Variants in APOL1 observed in about 807,000 individuals in gnomAD.
The protein encoded by APOL1 is apolipoprotein L 1.
A neutral mutation model predicts 14.9 loss-of-function variants in APOL1; 17 were observed. The ratio of observed to expected loss-of-function variants is 1.14; its 90% CI spans 0.78 to 1.71. APOL1 has a LOEUF of 1.71. Among genes scored for constraint, APOL1 ranks in the 40% most tolerant of loss-of-function variants. The pLI, the probability that APOL1 is intolerant of heterozygous loss-of-function variation, is 0.00. For missense variants in APOL1, 523 were observed against 485.9 expected (o/e 1.08, Z -0.72); for synonymous variants, 195 against 184.8 (o/e 1.05, Z -0.45).
intron 4 of APOL1, 41 bp downstream of exon 4, chr22:36,257,448 T>C: frequency 6.3e-7 from 1 of 1,575,238 alleles, no homozygotes; most frequent in Admixed American, 1.7e-5. Flanking sequence ...CTACTCGCAC[T>C]TAGAATGGAG....
In APOL1 at chr22:36,266,130, C is replaced by G; in HGVS notation, c.*97C>G. ...TTTCTGAGACAGAGTCTTGCTCTGT[C>G]GCCAAGTTGGAGTGCAATGGTGCGA... On this transcript the variant is annotated 3_prime_UTR_variant, in exon 6 of 6. Transcript: ENST00000397278. 7.2e-7 allele frequency: 1 copy of G among 1,379,930 alleles called. No homozygotes were observed. The highest frequency in any genetic ancestry group is 9.8e-7 in the Non-Finnish European group (1 of 1,023,196). The allele number at this position is 1,379,930 out of a possible 1,614,324, so 85.5% of individuals were successfully genotyped here. A position where few individuals can be genotyped will look rare whatever the true frequency, so the allele number is the denominator to read the frequency against.
At chr22:36,253,414 A>T (rs2015754384) in intron 1 of APOL1, among the ~76,000 whole-genome samples, 195 bp downstream of exon 1, 1 of 152,172 alleles carries the variant, frequency 6.6e-6, no homozygotes, top group Non-Finnish European at 1.5e-5. Flanking sequence ...AACAGCTCAG[A>T]TGGGTTCACA....
rs139990629 is a variant in APOL1 at position 36,266,117 on chromosome 22, A to T, written c.*84A>T. On this transcript the variant is annotated 3_prime_UTR_variant, in exon 6 of 6. Transcript: ENST00000397278. ...AAACTTTTTTTTTTTTCTGAGACAGAGTCTTGCTCTGTCGCCAAGTTGGAG... is the reference window on the plus strand; with the variant it reads ...AAACTTTTTTTTTTTTCTGAGACAGTGTCTTGCTCTGTCGCCAAGTTGGAG... The T allele has an allele frequency of 2.5e-4, 367 of 1,448,050 alleles. 2 individuals are homozygous for T. The African/African-American group carries it at 4.7e-3, about 19-fold the overall frequency. 89.7% of individuals were successfully genotyped at this position (1,448,050 alleles called of 1,614,324 possible). A position where few individuals can be genotyped will look rare whatever the true frequency, so the allele number is the denominator to read the frequency against.
At chr22:36,260,856 A>G (rs1262889806) in intron 4 of APOL1, among the ~76,000 whole-genome samples, 1 of 152,252 alleles carries the variant, frequency 6.6e-6, no homozygotes, top group East Asian at 1.9e-4. Context: ...GTACACTCTG[A>G]TATTTTCAAA....
At chr22:36,264,994 G>A (rs2016188045) in intron 5 of APOL1, among the ~76,000 whole-genome samples, 157 bp from the exon 6 acceptor site, 2 of 151,952 alleles carry the variant, frequency 1.3e-5, no homozygotes, top group African/African-American at 4.8e-5. Context: ...TGAATTTTTG[G>A]TAGAGACAGG....
chr22:36,258,394 G>C (rs2015963123), intron 4 of APOL1, among the ~76,000 whole-genome samples: 1 of 152,230 alleles, frequency 6.6e-6, no homozygotes. Flanking sequence ...AAGGTTTATC[G>C]GGTGAATATG....
chr22:36,261,639 A>T lies in APOL1; in HGVS notation c.231A>T (p.Glu77Asp). The change falls in exon 5 of 6, where the codon GAA (glutamate) becomes GAT (aspartate). Residue 77 changes from glutamate to aspartate, a missense_variant. Transcript: ENST00000397278. ...FIEDAIKYFKEKVSTQNLLLL... is the reference protein window; with the variant it reads ...FIEDAIKYFKDKVSTQNLLLL... Reference sequence around the variant, plus strand: ...AGGATGCCATTAAGTATTTCAAGGAAAAAGTGAGCACACAGAATCTGCTAC... The same window carrying T: ...AGGATGCCATTAAGTATTTCAAGGATAAAGTGAGCACACAGAATCTGCTAC... The T allele has an allele frequency of 6.2e-7, 1 of 1,614,050 alleles. No individual in the cohort carries two copies. Among genetic ancestry groups the T allele is most frequent in the Non-Finnish European group, 8.5e-7 (1 of 1,179,908 alleles).
At chr22:36,258,394 G>A (rs2015963123) in intron 4 of APOL1, among the ~76,000 whole-genome samples, 1 of 152,230 alleles carries the variant, frequency 6.6e-6, no homozygotes, top group Admixed American at 6.5e-5. Context: ...AAGGTTTATC[G>A]GGTGAATATG....
chr22:36,264,455 T>G (rs1364506149), intron 5 of APOL1, among the ~76,000 whole-genome samples: 4 of 152,192 alleles, frequency 2.6e-5, no homozygotes, highest in Non-Finnish European at 5.9e-5. Context: ...TGCTTCACTT[T>G]CCTGCCATCC....
At position 36,265,166 on chromosome 22, in the gene APOL1, G is replaced by A; in HGVS notation, c.330G>A (p.Glu110=). ...AAELPRNEAD[E]LRKALDNLAR... is the part of the protein sequence containing the mutation. ...CCTTGTGCAGGAATGAGGCAGATGA[G>A]CTCCGTAAAGCTCTGGACAACCTTG... is the stretch of plus-strand genomic sequence containing the variant. Residue 110 remains glutamate (E), a synonymous_variant, in exon 6 of 6, where the codon GAG becomes GAA. Transcript: ENST00000397278. 6.2e-7 allele frequency: 1 copy of A among 1,614,098 alleles called. No individual in the cohort carries two copies. Among genetic ancestry groups the A allele is most frequent in the Non-Finnish European group, 8.5e-7 (1 of 1,180,024 alleles).
intron 1 of APOL1, chr22:36,254,063 TG>T (rs1282130170): frequency 1.7e-4 from 270 of 1,580,558 alleles, no homozygotes; most frequent in Non-Finnish European, 3.6e-5. Context: ...TGGAAACTTT[TG>T]GATTATTAAA....
At chr22:36,259,405 T>C (rs374788258) in intron 4 of APOL1, among the ~76,000 whole-genome samples, 49 of 152,268 alleles carry the variant, frequency 3.2e-4, no homozygotes, top group Middle Eastern at 3.4e-3. Context: ...CAAGTCAGCA[T>C]TGCGTTCATT....
chr22:36,262,094 G>A (rs964847190), intron 5 of APOL1, among the ~76,000 whole-genome samples: 9 of 152,066 alleles, frequency 5.9e-5, no homozygotes, highest in South Asian at 2.1e-4. Flanking sequence ...CACAGTTAAC[G>A]TTAACATCTT....
At chr22:36,264,504 T>G (rs986817360) in intron 5 of APOL1, among the ~76,000 whole-genome samples, 1 of 152,210 alleles carries the variant, frequency 6.6e-6, no homozygotes, top group East Asian at 1.9e-4. Flanking sequence ...CACTGCTCTT[T>G]GTTCATCTGC....
intron 4 of APOL1, 123 bp from the exon 5 acceptor site, chr22:36,261,473 T>C: frequency 1.9e-6 from 2 of 1,080,858 alleles, no homozygotes; most frequent in Non-Finnish European, 2.7e-6. Context: ...CACTAATGAC[T>C]CCATAAAACA....
chr22:36,255,027 G>C, intron 2 of APOL1, 28 bp downstream of exon 2: 1 of 1,601,354 alleles, frequency 6.2e-7, no homozygotes, highest in Non-Finnish European at 8.6e-7. Flanking sequence ...CCCTGAGGCG[G>C]GAGGGAGGGC....
At chr22:36,262,519 C>T (rs1001057990) in intron 5 of APOL1, among the ~76,000 whole-genome samples, 1 of 152,174 alleles carries the variant, frequency 6.6e-6, no homozygotes, top group African/African-American at 2.4e-5. Context: ...CCCAGAGAGA[C>T]CGGGATCAGC....
chr22:36,254,817 C>A, intron 1 of APOL1, 120 bp from the exon 2 acceptor site: 3 of 1,288,314 alleles, frequency 2.3e-6, no homozygotes, highest in Non-Finnish European at 3.3e-6. Context: ...GAGCCTAGAT[C>A]GCCCCACTGC....
intron 1 of APOL1, 164 bp from the exon 2 acceptor site, chr22:36,254,773 G>C (rs1236946025): frequency 1.3e-6 from 1 of 779,954 alleles, no homozygotes; most frequent in Non-Finnish European, 2.0e-6. Flanking sequence ...TGAGGCAGGA[G>C]AATGGCGTGA....
Sources: gnomAD v4.1 joint callset for allele counts (sites outside exome capture counted in the v4.1 genomes callset) on GRCh38, gnomAD v4.1.1 for gene constraint, MANE v1.5 for transcripts, NCBI Gene and HGNC (gene_info 2026-07-23, HGNC 2026-07-21) for gene names.